NOVA1: variants seen among roughly 807,000 people sequenced by gnomAD.
NOVA1 encodes the protein NOVA alternative splicing regulator 1, also known as RNA-binding protein Nova-1.
A neutral mutation model predicts 38.0 loss-of-function variants in NOVA1; 7 were observed. That is an observed-to-expected ratio of 0.18 (90% CI 0.10 to 0.35). The LOEUF is 0.35. NOVA1 is among the 10% of genes least tolerant of loss of function. NOVA1 has a pLI of 1.00. For synonymous variants in NOVA1, 270 were observed against 232.5 expected (o/e 1.16, Z -1.47); for missense variants, 460 against 616.0 (o/e 0.75, Z 2.68).
rs1173370293 is a variant in NOVA1, at chr14:26,549,746, A to G, written c.280+45664T>C. ...CACAGTGGAGAAATACCTTCTGTAC[A>G]GCACCATGTACAATTTCTTCTGCAG... On this transcript the variant is annotated intron_variant, in intron 2 of 4. Coordinates refer to ENST00000539517, the MANE Select transcript of NOVA1 (RefSeq NM_002515.3). 3.1e-6 allele frequency: 4 copies of G among 1,288,904 alleles called. No homozygotes were observed. In the African/African-American group the frequency reaches 6.1e-5, roughly 20 times the overall value. 79.8% of individuals were successfully genotyped at this position (1,288,904 alleles called of 1,614,324 possible).
intron 2 of NOVA1, among the ~76,000 whole-genome samples, chr14:26,480,512 T>C (rs1195285142): frequency 6.6e-6 from 1 of 152,146 alleles, no homozygotes; most frequent in African/African-American, 2.4e-5. Flanking sequence ...GAGCTTACTC[T>C]TCAGGGGGAA....
At chr14:26,496,895 A>C in intron 2 of NOVA1, among the ~76,000 whole-genome samples, 1 of 152,130 alleles carries the variant, frequency 6.6e-6, no homozygotes, top group East Asian at 1.9e-4. Context: ...TGGTTACTGT[A>C]GCCTTGTAGT....
At chr14:26,536,644 T>TA (rs1191414043) in intron 2 of NOVA1, among the ~76,000 whole-genome samples, 1 of 151,430 alleles carries the variant, frequency 6.6e-6, no homozygotes, top group African/African-American at 2.4e-5. Context: ...GCATATAACA[T>TA]AAAAAATAAG....
At chr14:26,553,825 G>A (rs929324027) in intron 2 of NOVA1, among the ~76,000 whole-genome samples, 3 of 151,880 alleles carry the variant, frequency 2.0e-5, no homozygotes, top group African/African-American at 4.8e-5. Context: ...CCTCATCAGA[G>A]AGCTAGTACT....
At chr14:26,495,729 G>A (rs1886720371) in intron 2 of NOVA1, among the ~76,000 whole-genome samples, 2 of 146,946 alleles carry the variant, frequency 1.4e-5, no homozygotes, top group Admixed American at 1.4e-4. Flanking sequence ...TCCCACCTAT[G>A]AGTGAGAATA....
chr14:26,541,841 T>C (rs989428834), intron 2 of NOVA1, among the ~76,000 whole-genome samples: 14 of 151,840 alleles, frequency 9.2e-5, no homozygotes, highest in Non-Finnish European at 1.8e-4. Flanking sequence ...TTGTAGTTTG[T>C]TTCTTCTTAT....
At chr14:26,521,378 A>C (rs1380488181) in intron 2 of NOVA1, among the ~76,000 whole-genome samples, 2 of 152,120 alleles carry the variant, frequency 1.3e-5, no homozygotes, top group Admixed American at 6.6e-5. Flanking sequence ...AGTTTTAAAA[A>C]ATTTTAGATC....
intron 2 of NOVA1, among the ~76,000 whole-genome samples, chr14:26,557,285 G>C (rs1891546294): frequency 6.6e-6 from 1 of 152,134 alleles, no homozygotes; most frequent in Non-Finnish European, 1.5e-5. Flanking sequence ...TATTAGAACA[G>C]CTAAAATCCA....
In NOVA1 at chr14:26,498,217, G is replaced by A. The variant is rs1240732359; in HGVS notation, c.281-18074C>T. Among the ~76,000 whole-genome samples the A allele has an allele frequency of 4.6e-5, 7 of 151,246 alleles. No homozygotes were observed. In the South Asian group the frequency reaches 1.3e-3, roughly 27 times the overall value. ...TGGGACTACAGGCGCCCGCCACCAC[G>A]CCCAGTTAATTTTTTTTTTTTTGTA... On this transcript the variant is annotated intron_variant, in intron 2 of 4. Coordinates refer to ENST00000539517, the MANE Select transcript of NOVA1 (RefSeq NM_002515.3).
At chr14:26,545,772 T>C (rs1286261803) in intron 2 of NOVA1, among the ~76,000 whole-genome samples, 1 of 152,050 alleles carries the variant, frequency 6.6e-6, no homozygotes, top group African/African-American at 2.4e-5. Flanking sequence ...AAAGTGGCAG[T>C]AAGGATTCGA....
At chr14:26,520,585 C>T (rs980390253) in intron 2 of NOVA1, among the ~76,000 whole-genome samples, 4 of 152,082 alleles carry the variant, frequency 2.6e-5, no homozygotes, top group African/African-American at 9.7e-5. Flanking sequence ...GGCAGGACAT[C>T]GCATTGCCGG....
At chr14:26,482,151 T>C (rs1885523099) in intron 2 of NOVA1, among the ~76,000 whole-genome samples, 1 of 152,188 alleles carries the variant, frequency 6.6e-6, no homozygotes, top group African/African-American at 2.4e-5. Context: ...TGGAAATTAC[T>C]GAGCCATAAA....
chr14:26,462,498 A>G (rs763094224), intron 4 of NOVA1, among the ~76,000 whole-genome samples: 12 of 152,212 alleles, frequency 7.9e-5, no homozygotes, highest in Non-Finnish European at 1.3e-4. Context: ...TATAGATGCA[A>G]AATCTCATAA....
At chr14:26,540,177 A>C (rs560425487) in intron 2 of NOVA1, among the ~76,000 whole-genome samples, 1 of 152,266 alleles carries the variant, frequency 6.6e-6, no homozygotes, top group East Asian at 1.9e-4. Flanking sequence ...TAGGAGCCTG[A>C]CCACACAAAG....
rs1291448373 is a variant in NOVA1, at chr14:26,597,539, G to A, written c.-103C>T. ...TTTTTTTTTTTTTTTTGCGTTTGGG[G>A]TTTCTTAAGGTTTTTTTTTTTTAAT... On this transcript the variant is annotated 5_prime_UTR_variant, in exon 1 of 5. Transcript: ENST00000539517. 8.8e-6 allele frequency: 10 copies of A among 1,137,074 alleles called. No homozygotes were observed. The highest frequency in any genetic ancestry group is 1.1e-5 in the Non-Finnish European group (10 of 926,770). 70.4% of individuals were successfully genotyped at this position (1,137,074 alleles called of 1,614,324 possible).
chr14:26,451,922 T>C (rs551359236), intron 4 of NOVA1, among the ~76,000 whole-genome samples: 2 of 152,254 alleles, frequency 1.3e-5, no homozygotes, highest in African/African-American at 4.8e-5. Flanking sequence ...CCAAGTTTTG[T>C]TGGCAAGATT....
In NOVA1 at chr14:26,596,675, T is replaced by C. The variant is rs1894211098; in HGVS notation, c.136+626A>G. 3.9e-6 allele frequency: 5 copies of C among 1,289,014 alleles called. No homozygotes were observed. The South Asian group carries it at 6.2e-5, about 16-fold the overall frequency. The allele number at this position is 1,289,014 out of a possible 1,614,324, so 79.8% of individuals were successfully genotyped here. Reference sequence around the variant, plus strand: ...TCATCTTCCAAGGAAGCGCAGGATGTTAACTAACAAGTCACCGTTCCAGAC... The same window carrying C: ...TCATCTTCCAAGGAAGCGCAGGATGCTAACTAACAAGTCACCGTTCCAGAC... On this transcript the variant is annotated intron_variant, in intron 1 of 4. Coordinates refer to ENST00000539517, the MANE Select transcript of NOVA1 (RefSeq NM_002515.3).
chr14:26,493,380 GTAT>G (rs1886507956), intron 2 of NOVA1, among the ~76,000 whole-genome samples: 1 of 152,146 alleles, frequency 6.6e-6, no homozygotes, highest in African/African-American at 2.4e-5. Flanking sequence ...TTTCCATAAT[GTAT>G]TTCTGTTAAT....
chr14:26,510,596 G>T (rs1270269073), intron 2 of NOVA1, among the ~76,000 whole-genome samples: 2 of 152,082 alleles, frequency 1.3e-5, no homozygotes, highest in African/African-American at 4.8e-5. Flanking sequence ...GGCATTAAAA[G>T]ACAAATAAAG....
Sources: gnomAD v4.1 joint callset for allele counts (sites outside exome capture counted in the v4.1 genomes callset) on GRCh38, gnomAD v4.1.1 for gene constraint, MANE v1.5 for transcripts, NCBI Gene and HGNC (gene_info 2026-07-23, HGNC 2026-07-21) for gene names.